Variants in AFF3 observed in about 807,000 individuals in gnomAD.
AFF3 encodes the protein ALF transcription elongation factor 3, also known as AF4/FMR2 family member 3.
In AFF3, 32 loss-of-function variants were observed where a neutral mutation model predicts 129.7. The observed-to-expected ratio is 0.25, with a 90% CI of 0.19 to 0.33. The LOEUF (loss-of-function observed/expected upper bound fraction) is 0.33, where lower values mean the gene tolerates loss of function less well. Ranked by LOEUF, AFF3 falls within the 10% of genes least tolerant of loss-of-function variation. The pLI is 1.00. For synonymous variants in AFF3, 644 were observed against 635.4 expected (o/e 1.01, Z -0.20); for missense variants, 1,373 against 1,592.0 (o/e 0.86, Z 2.34).
intron 7 of AFF3, among the ~76,000 whole-genome samples, chr2:99,883,973 C>T (rs1051265576): frequency 6.6e-6 from 1 of 152,162 alleles, no homozygotes; most frequent in African/African-American, 2.4e-5. Context: ...AACCATTAAT[C>T]ATGCACATTT....
intron 7 of AFF3, among the ~76,000 whole-genome samples, chr2:99,892,499 A>G (rs1229584918): frequency 6.6e-6 from 1 of 152,172 alleles, no homozygotes; most frequent in Non-Finnish European, 1.5e-5. Flanking sequence ...AATTTTTTCA[A>G]CTGTTGTATT....
At chr2:100,017,730 CTAT>C (rs1280974808) in intron 4 of AFF3, among the ~76,000 whole-genome samples, 1 of 152,196 alleles carries the variant, frequency 6.6e-6, no homozygotes, top group Non-Finnish European at 1.5e-5. Context: ...GGCATTCTCC[CTAT>C]TTACAGTGGA....
At chr2:99,683,688 G>A (rs533491194) in intron 11 of AFF3, among the ~76,000 whole-genome samples, 117 of 152,266 alleles carry the variant, frequency 7.7e-4, no homozygotes, top group African/African-American at 2.7e-3. Context: ...TGATCCACCT[G>A]CCTCAGCCTC....
intron 8 of AFF3, among the ~76,000 whole-genome samples, chr2:99,768,358 C>T (rs1442980105): frequency 1.3e-5 from 2 of 152,100 alleles, no homozygotes; most frequent in Non-Finnish European, 2.9e-5. Context: ...TATACATGCA[C>T]TAAGATGGGG....
intron 8 of AFF3, among the ~76,000 whole-genome samples, chr2:99,777,611 A>G (rs2105357876): frequency 6.6e-6 from 1 of 152,258 alleles, no homozygotes; most frequent in Non-Finnish European, 1.5e-5. Context: ...TCTCCAATAG[A>G]TGTTATGTAC....
intron 12 of AFF3, among the ~76,000 whole-genome samples, chr2:99,657,405 A>G (rs1685845902): frequency 6.6e-6 from 1 of 152,194 alleles, no homozygotes; most frequent in Non-Finnish European, 1.5e-5. Context: ...TTTGGGGAGT[A>G]TGCCGTCTGC....
chr2:99,628,219 G>T (rs1682784098), intron 13 of AFF3, among the ~76,000 whole-genome samples: 1 of 152,080 alleles, frequency 6.6e-6, no homozygotes, highest in Non-Finnish European at 1.5e-5. Flanking sequence ...TTATTCATTT[G>T]TGTCCTCTCT....
At chr2:99,578,594 CAAT>C (rs760750461) in intron 17 of AFF3, 143 bp from the exon 18 acceptor site, 14 of 1,307,644 alleles carry the variant, frequency 1.1e-5, no homozygotes, top group Non-Finnish European at 1.4e-5. Context: ...GATTTTGTCT[CAAT>C]AAAGAAATAC....
At chr2:100,079,821 T>A (rs916441018) in intron 4 of AFF3, among the ~76,000 whole-genome samples, 6 of 152,176 alleles carry the variant, frequency 3.9e-5, no homozygotes, top group African/African-American at 1.4e-4. Flanking sequence ...GCCGCAGATG[T>A]TATATCTGCG....
chr2:100,093,893 G>A (rs1360478210), intron 4 of AFF3, among the ~76,000 whole-genome samples: 1 of 152,186 alleles, frequency 6.6e-6, no homozygotes, highest in African/African-American at 2.4e-5. Context: ...AGGGCCACAG[G>A]TGGCACACCA....
intron 13 of AFF3, among the ~76,000 whole-genome samples, chr2:99,646,226 AG>A (rs1684677126): frequency 6.6e-6 from 1 of 152,224 alleles, no homozygotes; most frequent in African/African-American, 2.4e-5. Context: ...CTCAAGGTTG[AG>A]GCTCAGTGGA....
At chr2:99,794,416 C>G (rs1685421674) in intron 8 of AFF3, among the ~76,000 whole-genome samples, 1 of 152,132 alleles carries the variant, frequency 6.6e-6, no homozygotes, top group South Asian at 2.1e-4. Flanking sequence ...TAGCTAGTAT[C>G]TCTACTTAAT....
chr2:100,005,636 G>A (rs141413570), intron 7 of AFF3, among the ~76,000 whole-genome samples: 20 of 152,170 alleles, frequency 1.3e-4, no homozygotes, highest in African/African-American at 3.4e-4. Flanking sequence ...AAAAAGTTAC[G>A]GTATACCTGT....
At chr2:99,993,846 C>T (rs1190003838) in intron 7 of AFF3, among the ~76,000 whole-genome samples, 5 of 115,160 alleles carry the variant, frequency 4.3e-5, no homozygotes, top group African/African-American at 1.7e-4. Context: ...AATCTTGTTG[C>T]CCAGGCTGGA....
intron 11 of AFF3, among the ~76,000 whole-genome samples, chr2:99,715,445 C>T (rs978126527): frequency 6.6e-6 from 1 of 152,070 alleles, no homozygotes; most frequent in African/African-American, 2.4e-5. Flanking sequence ...AGGCACTTTC[C>T]ATATATGAAT....
At chr2:99,612,232 C>A (rs1681006266) in intron 13 of AFF3, among the ~76,000 whole-genome samples, 1 of 152,188 alleles carries the variant, frequency 6.6e-6, no homozygotes, top group South Asian at 2.1e-4. Context: ...TGGTATTTAG[C>A]AAGTAGAAAG....
intron 14 of AFF3, among the ~76,000 whole-genome samples, chr2:99,598,368 C>T (rs1679493907): frequency 6.6e-6 from 1 of 152,162 alleles, no homozygotes; most frequent in Non-Finnish European, 1.5e-5. Context: ...CTGTACAGTG[C>T]CTGGAAAGCA....
chr2:99,767,858 T>C (rs1683154046), intron 8 of AFF3, among the ~76,000 whole-genome samples: 1 of 152,266 alleles, frequency 6.6e-6, no homozygotes, highest in African/African-American at 2.4e-5. Context: ...GGCAGGAGAA[T>C]AGCATGAACC....
At chr2:99,723,243 C>T (rs186913311) in intron 11 of AFF3, among the ~76,000 whole-genome samples, 7 of 152,266 alleles carry the variant, frequency 4.6e-5, no homozygotes, top group Admixed American at 3.9e-4. Flanking sequence ...TGAAGGATTA[C>T]TCGGGTGTTG....
Sources: allele counts gnomAD v4.1 joint callset (sites outside exome capture counted in the v4.1 genomes callset), GRCh38; gene constraint gnomAD v4.1.1; transcripts MANE v1.5; gene names NCBI Gene and HGNC (gene_info 2026-07-23, HGNC 2026-07-21).